The following HTR1F variants were observed in gnomAD, a reference collection of about 807,000 sequenced individuals.
HTR1F encodes the protein 5-hydroxytryptamine (serotonin) receptor 1F, G protein-coupled.
HTR1F carries 17 observed loss-of-function variants against 24.0 expected under a neutral mutation model. The ratio of observed to expected loss-of-function variants is 0.71; its 90% CI spans 0.48 to 1.06. HTR1F has a LOEUF of 1.06. HTR1F is among the 50% of genes least tolerant of loss of function. The pLI is 0.00. For synonymous variants in HTR1F, 186 were observed against 156.8 expected, an observed-to-expected ratio of 1.19 and a Z score of -1.39; for missense variants, 391 against 427.8, an observed-to-expected ratio of 0.91 and a Z score of 0.76.
intron 2 of HTR1F, among the ~76,000 whole-genome samples, chr3:87,830,332 G>A (rs1409067876): frequency 6.6e-6 from 1 of 152,094 alleles, no homozygotes; most frequent in African/African-American, 2.4e-5. Flanking sequence ...ATTCCTCCAA[G>A]CAGTATATTT....
chr3:87,949,503 A>T (rs1034360684), intron 2 of HTR1F, among the ~76,000 whole-genome samples: 2 of 152,252 alleles, frequency 1.3e-5, no homozygotes, highest in Non-Finnish European at 2.9e-5. Context: ...AGTGACATTG[A>T]GAAAGCAAAC....
chr3:87,838,676 G>A (rs770725535), intron 2 of HTR1F, among the ~76,000 whole-genome samples: 15 of 152,078 alleles, frequency 9.9e-5, no homozygotes, highest in African/African-American at 2.9e-4. Context: ...AATGAAAACC[G>A]ATTGAACTGT....
At chr3:87,977,261 A>G (rs1438537694) in intron 2 of HTR1F, among the ~76,000 whole-genome samples, 5 of 152,172 alleles carry the variant, frequency 3.3e-5, no homozygotes, top group South Asian at 2.1e-4. Flanking sequence ...TGCTAGCCCT[A>G]TACTCCAGAT....
At chr3:87,857,517 A>G (rs1287688279) in intron 2 of HTR1F, among the ~76,000 whole-genome samples, 9 of 152,186 alleles carry the variant, frequency 5.9e-5, no homozygotes, top group African/African-American at 2.2e-4. Flanking sequence ...AAAATAGCTC[A>G]TTTTAAAGAA....
rs138040217 is a variant in HTR1F at position 87,945,010 on chromosome 3, C to A, written c.-42-45698C>A. 4.5e-3 allele frequency among the ~76,000 whole-genome samples: 674 copies of A among 151,160 alleles called. 8 individuals carry two copies. The highest frequency in any genetic ancestry group is 0.016 in the African/African-American group (639 of 41,086). ...TACCCTGGCTTTTAAAGGAATAGGG[C>A]ACACTGGTTGTTTTGTTTTGTTTTG... On this transcript the variant is annotated intron_variant, in intron 2 of 2. Transcript: ENST00000319595.
chr3:87,964,385 T>C (rs1338551822), intron 2 of HTR1F, among the ~76,000 whole-genome samples: 1 of 152,186 alleles, frequency 6.6e-6, no homozygotes, highest in Non-Finnish European at 1.5e-5. Context: ...TAAAATACTA[T>C]TTGATATTTA....
chr3:87,823,208 A>G (rs1464017541), intron 2 of HTR1F, among the ~76,000 whole-genome samples: 4 of 152,198 alleles, frequency 2.6e-5, no homozygotes, highest in Non-Finnish European at 4.4e-5. Context: ...TGTACTGTCT[A>G]TTGCAAATTT....
At chr3:87,866,602 C>T (rs903998866) in intron 2 of HTR1F, among the ~76,000 whole-genome samples, 1 of 148,982 alleles carries the variant, frequency 6.7e-6, no homozygotes, top group East Asian at 1.9e-4. Context: ...TTTGATTACA[C>T]TTTCCACTAT....
intron 2 of HTR1F, among the ~76,000 whole-genome samples, chr3:87,945,154 T>G (rs1484459352): frequency 7.9e-5 from 12 of 151,726 alleles, no homozygotes. Flanking sequence ...TCTCTCTCCT[T>G]CTCTTAGCCA....
At chr3:87,879,436 G>A (rs182755098) in intron 2 of HTR1F, among the ~76,000 whole-genome samples, 1 of 152,016 alleles carries the variant, frequency 6.6e-6, no homozygotes, top group Non-Finnish European at 1.5e-5. Context: ...CTTTACAGAG[G>A]TTCCTTATGT....
chr3:87,982,098 T>C (rs1705556787), intron 2 of HTR1F, among the ~76,000 whole-genome samples: 1 of 152,160 alleles, frequency 6.6e-6, no homozygotes, highest in Non-Finnish European at 1.5e-5. Flanking sequence ...AATTTTTGTA[T>C]TTTTAATAGA....
intron 2 of HTR1F, among the ~76,000 whole-genome samples, chr3:87,902,533 A>G (rs1318855538): frequency 2.0e-5 from 3 of 152,150 alleles, no homozygotes; most frequent in African/African-American, 7.2e-5. Flanking sequence ...AAGAGGGAAA[A>G]AAAGATAAAG....
intron 1 of HTR1F, among the ~76,000 whole-genome samples, chr3:87,816,618 C>T (rs1363136648): frequency 6.6e-6 from 1 of 151,984 alleles, no homozygotes; most frequent in Admixed American, 6.6e-5. Flanking sequence ...ATTTAATTTA[C>T]TGGGATTTTA....
chr3:87,912,928 A>G (rs1332033651), intron 2 of HTR1F, among the ~76,000 whole-genome samples: 2 of 152,194 alleles, frequency 1.3e-5, no homozygotes, highest in Non-Finnish European at 2.9e-5. Context: ...TGCCACATAC[A>G]AAAATCAACT....
rs906059411 is a variant in HTR1F at position 87,990,825 on chromosome 3, G to T, written c.76G>T (p.Val26Leu). The change falls in exon 3 of 3, where the codon GTG becomes TTG. Residue 26 changes from valine to leucine, a missense_variant. By Grantham distance (32) the Val-to-Leu change is conservative. Coordinates refer to ENST00000319595, the MANE Select transcript of HTR1F (RefSeq NM_001322209.2). ...LLNRMPSKIL[V>L]SLTLSGLALM... is the part of the protein sequence containing the mutation. ...AAACAGAATGCCATCCAAAATTCTG[G>T]TGTCCCTCACTCTGTCTGGGCTGGC... The T allele has an allele frequency of 2.5e-6, 4 of 1,613,948 alleles. No homozygotes were observed. The highest frequency in any genetic ancestry group is 3.3e-5 in the Admixed American group (2 of 60,014).
chr3:87,923,888 G>A lies in HTR1F; in HGVS notation c.-42-66820G>A, dbSNP rs371599358. The stretch of plus-strand genomic sequence containing the variant: ...CCATTTTTGAAGTGCTGTTGGATTT[G>A]GCTTGCTAGTATTTTGTTGAGGATG... On this transcript the variant is annotated intron_variant, in intron 2 of 2. Coordinates refer to ENST00000319595, the MANE Select transcript of HTR1F (RefSeq NM_001322209.2). 6.6e-5 allele frequency among the ~76,000 whole-genome samples: 10 copies of A among 151,942 alleles called. No homozygotes were observed. In the East Asian group the frequency reaches 1.2e-3, roughly 18 times the overall value.
intron 2 of HTR1F, among the ~76,000 whole-genome samples, chr3:87,976,678 A>G (rs1705401722): frequency 6.6e-6 from 1 of 152,266 alleles, no homozygotes. Flanking sequence ...ATTTTGAGAT[A>G]GACCTTGTCC....
At chr3:87,815,144 G>C (rs1488838971) in intron 1 of HTR1F, among the ~76,000 whole-genome samples, 1 of 152,090 alleles carries the variant, frequency 6.6e-6, no homozygotes, top group Non-Finnish European at 1.5e-5. Flanking sequence ...TAAAAGGCAG[G>C]AATGATGTGT....
chr3:87,878,589 G>A (rs1296874042), intron 2 of HTR1F, among the ~76,000 whole-genome samples: 2 of 152,060 alleles, frequency 1.3e-5, no homozygotes, highest in Non-Finnish European at 2.9e-5. Context: ...TAGAAATTAG[G>A]AGGCATTGTG....
Sources: allele counts gnomAD v4.1 joint callset (sites outside exome capture counted in the v4.1 genomes callset), GRCh38; gene constraint gnomAD v4.1.1; transcripts MANE v1.5; gene names NCBI Gene and HGNC (gene_info 2026-07-23, HGNC 2026-07-21).